The following AFF2 variants were observed in gnomAD, a reference collection of about 807,000 sequenced individuals.
AFF2 encodes AF4/FMR2 family member 2.
A neutral mutation model predicts 76.9 loss-of-function variants in AFF2; 14 were observed. That is an observed-to-expected ratio of 0.18 (90% CI 0.12 to 0.28). The LOEUF (loss-of-function observed/expected upper bound fraction) is 0.28, where lower values mean the gene tolerates loss of function less well. Ranked by LOEUF, AFF2 falls within the 10% of genes least tolerant of loss-of-function variation. The pLI, the probability that AFF2 is intolerant of heterozygous loss-of-function variation, is 1.00. For synonymous variants in AFF2, 398 were observed against 366.7 expected (o/e 1.09, Z -0.98); for missense variants, 868 against 1,001.1 (o/e 0.87, Z 1.79).
intron 4 of AFF2, among the ~76,000 whole-genome samples, chrX:148,826,220 G>C (rs2070386334): frequency 1.3e-5 from 1 of 76,304 alleles, no homozygotes; most frequent in Admixed American, 1.9e-4. Flanking sequence ...GGTTATTAGG[G>C]AAGCTTGCAA....
chrX:148,531,773 A>G (rs1307181213), intron 1 of AFF2, among the ~76,000 whole-genome samples: 4 of 112,557 alleles, frequency 3.6e-5, no homozygotes, highest in Non-Finnish European at 7.5e-5. Flanking sequence ...GGAATCAGAT[A>G]TTTGACTATT....
At chrX:148,812,183 C>T (rs1231259670) in intron 4 of AFF2, among the ~76,000 whole-genome samples, 1 of 111,905 alleles carries the variant, frequency 8.9e-6, no homozygotes, top group East Asian at 2.8e-4. Flanking sequence ...CTTAATTACA[C>T]ATTCATGTTC....
intron 4 of AFF2, among the ~76,000 whole-genome samples, chrX:148,832,069 T>A (rs1184904312): frequency 1.8e-5 from 2 of 112,421 alleles, no homozygotes; most frequent in African/African-American, 3.2e-5. Context: ...TGTTTCTTCA[T>A]CCTTAGTCTG....
At chrX:148,827,231 G>A (rs1269572879) in intron 4 of AFF2, among the ~76,000 whole-genome samples, 1 of 111,356 alleles carries the variant, frequency 9.0e-6, no homozygotes, top group Non-Finnish European at 1.9e-5. Flanking sequence ...GTTCTTAACT[G>A]GAGGCTTCTT....
chrX:148,539,074 T>G (rs2052822860), intron 1 of AFF2, among the ~76,000 whole-genome samples: 1 of 111,847 alleles, frequency 8.9e-6, no homozygotes, highest in Non-Finnish European at 1.9e-5. Context: ...AAAAAAAATT[T>G]TTTTTCATTA....
At chrX:148,988,487 GCTGCTTCCTAGCTT>G (rs1437018137) in intron 20 of AFF2, among the ~76,000 whole-genome samples, 2 of 111,817 alleles carry the variant, frequency 1.8e-5, no homozygotes, top group East Asian at 5.6e-4. Context: ...AAATCTGTGA[GCTGCTTCCTAGCTT>G]CTGTCTCTAT....
intron 1 of AFF2, among the ~76,000 whole-genome samples, chrX:148,621,729 C>A (rs2053870327): frequency 9.0e-6 from 1 of 111,177 alleles, no homozygotes; most frequent in South Asian, 3.8e-4. Flanking sequence ...TTAGGATCAT[C>A]CATTCATTTA....
chrX:148,738,466 C>A (rs1327481222), intron 3 of AFF2, among the ~76,000 whole-genome samples: 1 of 111,732 alleles, frequency 8.9e-6, no homozygotes, highest in Non-Finnish European at 1.9e-5. Context: ...GTTGTAATAT[C>A]TTCTGTTTCA....
chrX:148,857,695 T>G (rs1019812968), intron 7 of AFF2, among the ~76,000 whole-genome samples: 1 of 110,732 alleles, frequency 9.0e-6, no homozygotes, highest in Non-Finnish European at 1.9e-5. Context: ...ACATGATTTA[T>G]CCAAGTTAAG....
intron 6 of AFF2, 134 bp from the exon 7 acceptor site, chrX:148,843,247 CT>C (rs782081260): frequency 0.09 from 31,772 of 354,424 alleles, 5 homozygotes; most frequent in East Asian, 0.12. Context: ...GGTTCCCCCC[CT>C]TTTTTTTTTT....
At chrX:148,960,874 G>C (rs2072101040) in intron 12 of AFF2, among the ~76,000 whole-genome samples, 1 of 111,729 alleles carries the variant, frequency 9.0e-6, no homozygotes, top group African/African-American at 3.3e-5. Flanking sequence ...CCTATTGGAA[G>C]AGGTACCCAA....
chrX:148,784,346 C>T (rs782251218), intron 3 of AFF2, among the ~76,000 whole-genome samples: 16 of 111,844 alleles, frequency 1.4e-4, no homozygotes, highest in East Asian at 5.6e-4. Flanking sequence ...ACTGAACCCA[C>T]GACTCAAGAA....
chrX:148,822,267 G>T (rs1557272604), intron 4 of AFF2: 1 of 111,287 alleles, frequency 9.0e-6, no homozygotes, highest in African/African-American at 3.3e-5. Context: ...GTGAGAGCTT[G>T]CTTGGAGGTT....
chrX:148,678,068 TACTTG>T (rs1557259625), intron 3 of AFF2, among the ~76,000 whole-genome samples: 1 of 112,351 alleles, frequency 8.9e-6, no homozygotes, highest in Non-Finnish European at 1.9e-5. Flanking sequence ...ATAATGTATT[TACTTG>T]ACTTTACTTA....
chrX:148,822,096 C>T (rs192960951), intron 4 of AFF2: 2 of 111,752 alleles, frequency 1.8e-5, no homozygotes, highest in East Asian at 5.6e-4. Context: ...TTAATGACTC[C>T]ATTTCTTATT....
chrX:148,989,438 G>T (rs1409191175), intron 20 of AFF2, among the ~76,000 whole-genome samples: 1 of 112,188 alleles, frequency 8.9e-6, no homozygotes, highest in Non-Finnish European at 1.9e-5. Flanking sequence ...TAAATTCCCT[G>T]TGTCATCTTG....
Position 148,810,988 on chromosome X carries a change from T to C in AFF2, c.1086+1068T>C, listed in dbSNP as rs1357491836. ...GAATAGTCAAGAGCCAAAAGCTGTTTACCATTGAAATGGCTTGCCACCCGG... is the reference window on the plus strand; with the variant it reads ...GAATAGTCAAGAGCCAAAAGCTGTTCACCATTGAAATGGCTTGCCACCCGG... On this transcript the variant is annotated intron_variant, in intron 4 of 20. Transcript: ENST00000370460. 2.7e-5 allele frequency among the ~76,000 whole-genome samples: 3 copies of C among 111,597 alleles called. No individual in the cohort carries two copies. The South Asian group carries it at 1.1e-3, about 43-fold the overall frequency.
chrX:148,545,312 T>TCTAG (rs1163160808), intron 1 of AFF2, among the ~76,000 whole-genome samples: 6 of 111,837 alleles, frequency 5.4e-5, no homozygotes, highest in African/African-American at 1.6e-4. Context: ...CTGAGAAGTA[T>TCTAG]CTAGGTACAC....
intron 3 of AFF2, among the ~76,000 whole-genome samples, chrX:148,805,192 A>G (rs1331078510): frequency 8.9e-6 from 1 of 111,793 alleles, no homozygotes; most frequent in Non-Finnish European, 1.9e-5. Flanking sequence ...GGAAGCCGCC[A>G]TCAGTGTCTG....
Sources: allele counts gnomAD v4.1 joint callset (sites outside exome capture counted in the v4.1 genomes callset), GRCh38; gene constraint gnomAD v4.1.1; transcripts MANE v1.5; gene names NCBI Gene and HGNC (gene_info 2026-07-23, HGNC 2026-07-21).